Variants in ZNF670 observed in about 807,000 individuals in gnomAD.
ZNF670 encodes the protein zinc finger protein 670.
A neutral mutation model predicts 10.9 loss-of-function variants in ZNF670; 7 were observed. That is an observed-to-expected ratio of 0.64 (90% CI 0.36 to 1.20). The LOEUF (loss-of-function observed/expected upper bound fraction) is 1.20. Among genes scored for constraint, ZNF670 ranks in the 50% most tolerant of loss-of-function variants. The pLI is 0.02. For synonymous variants in ZNF670, 136 were observed against 152.7 expected (o/e 0.89, Z 0.81); for missense variants, 446 against 458.6 (o/e 0.97, Z 0.25).
chr1:247,074,795 C>T (rs753951206), intron 1 of ZNF670, among the ~76,000 whole-genome samples: 6 of 149,888 alleles, frequency 4.0e-5, no homozygotes, highest in Non-Finnish European at 7.4e-5. Flanking sequence ...GTAATGTTCA[C>T]TCACCTGCTG....
intron 1 of ZNF670, among the ~76,000 whole-genome samples, chr1:247,071,904 C>G (rs1378887587): frequency 2.0e-5 from 3 of 150,040 alleles, no homozygotes; most frequent in Non-Finnish European, 3.0e-5. Context: ...GTTGCCCAGG[C>G]TGGAGTGCAG....
At chr1:247,051,796 T>G (rs1366461795) in intron 1 of ZNF670, among the ~76,000 whole-genome samples, 2 of 150,582 alleles carry the variant, frequency 1.3e-5, no homozygotes, top group African/African-American at 2.5e-5. Context: ...TTTTTTTTTT[T>G]TTGTTTTGTT....
chr1:247,073,112 TAA>T (rs1671176905), intron 1 of ZNF670, among the ~76,000 whole-genome samples: 1 of 152,096 alleles, frequency 6.6e-6, no homozygotes, highest in South Asian at 2.1e-4. Context: ...CCCATGACTT[TAA>T]AGTCTTATCA....
At chr1:247,076,595 T>C (rs1311696875) in intron 1 of ZNF670, among the ~76,000 whole-genome samples, 1 of 151,930 alleles carries the variant, frequency 6.6e-6, no homozygotes, top group East Asian at 1.9e-4. Flanking sequence ...GCCTAAACTT[T>C]AACATGCTTG....
intron 1 of ZNF670, among the ~76,000 whole-genome samples, chr1:247,055,881 A>G (rs1670703019): frequency 6.6e-6 from 1 of 152,232 alleles, no homozygotes; most frequent in Non-Finnish European, 1.5e-5. Flanking sequence ...CAGATGAAAT[A>G]AATTTCAAAC....
chr1:247,046,131 A>T (rs1670441224), intron 1 of ZNF670, among the ~76,000 whole-genome samples: 2 of 152,202 alleles, frequency 1.3e-5, no homozygotes, highest in African/African-American at 2.4e-5. Context: ...TTAAAAGAGA[A>T]GCAGAGCATA....
At chr1:247,056,874 G>C (rs56401445) in intron 1 of ZNF670, among the ~76,000 whole-genome samples, 4,442 of 152,248 alleles carry the variant, frequency 0.029, 93 homozygotes, top group African/African-American at 0.045. Context: ...TTAAATATAA[G>C]TTCTCAAACT....
intron 1 of ZNF670, chr1:247,043,377 GA>G (rs1489989280): frequency 3.0e-5 from 16 of 538,992 alleles, no homozygotes; most frequent in Non-Finnish European, 5.2e-5. Context: ...GCATGGTCAA[GA>G]TGTTAAAAAG....
At chr1:247,070,420 G>A (rs1331691779) in intron 1 of ZNF670, among the ~76,000 whole-genome samples, 1 of 152,102 alleles carries the variant, frequency 6.6e-6, no homozygotes, top group Non-Finnish European at 1.5e-5. Context: ...GCAGTGAGCC[G>A]AGATCACGCC....
At chr1:247,038,538 TA>T in intron 3 of ZNF670, 111 bp from the exon 4 acceptor site, 3 of 1,156,094 alleles carry the variant, frequency 2.6e-6, no homozygotes. Flanking sequence ...TTAAAGTAAA[TA>T]AATTAATTAC....
At chr1:247,041,192 G>A (rs12141355) in intron 1 of ZNF670, among the ~76,000 whole-genome samples, 4 of 151,888 alleles carry the variant, frequency 2.6e-5, no homozygotes, top group South Asian at 2.1e-4. Context: ...TTCAGACTTC[G>A]AAGGAAAACA....
intron 1 of ZNF670, among the ~76,000 whole-genome samples, chr1:247,054,925 T>C (rs12119007): frequency 0.15 from 22,447 of 151,978 alleles, 1,850 homozygotes; most frequent in South Asian, 0.24. Flanking sequence ...AAGTAAATCA[T>C]ACCAAGGGAG....
At chr1:247,047,860 C>T (rs570686507) in intron 1 of ZNF670, among the ~76,000 whole-genome samples, 18 of 151,818 alleles carry the variant, frequency 1.2e-4, no homozygotes, top group Non-Finnish European at 2.2e-4. Flanking sequence ...CCCAAGACTA[C>T]AAAAAGCAGC....
intron 1 of ZNF670, among the ~76,000 whole-genome samples, chr1:247,054,275 G>A (rs970430954): frequency 6.6e-6 from 1 of 152,210 alleles, no homozygotes; most frequent in Non-Finnish European, 1.5e-5. Context: ...GCTGAGCTGG[G>A]CTCAGAGGCA....
In ZNF670 at chr1:247,037,832, T is replaced by C; in HGVS notation, c.787A>G (p.Ser263Gly). 2.5e-6 allele frequency: 4 copies of C among 1,613,390 alleles called. No homozygotes were observed. Among genetic ancestry groups the C allele is most frequent in the Non-Finnish European group, 2.5e-6 (3 of 1,179,788 alleles). ...YECKECGKAFSRSTYLGIHER... is the reference protein window; with the variant it reads ...YECKECGKAFGRSTYLGIHER... ...TGTATTCCCAAGTAAGTGGAACGACTGAAGGCTTTGCCACATTCCTTACAT... is the reference window on the plus strand; with the variant it reads ...TGTATTCCCAAGTAAGTGGAACGACCGAAGGCTTTGCCACATTCCTTACAT... Residue 263 changes from serine (S) to glycine (G), a missense_variant, in exon 4 of 4, where the codon AGT becomes GGT. Transcript: ENST00000366503.
intron 1 of ZNF670, among the ~76,000 whole-genome samples, chr1:247,040,397 T>G (rs1670276194): frequency 6.6e-6 from 1 of 152,224 alleles, no homozygotes; most frequent in Non-Finnish European, 1.5e-5. Context: ...GTACGTGTGC[T>G]TAGAAGAAAC....
intron 1 of ZNF670, among the ~76,000 whole-genome samples, chr1:247,070,159 G>GA (rs1285077079): frequency 1.3e-5 from 2 of 151,470 alleles, no homozygotes; most frequent in African/African-American, 4.8e-5. Context: ...AAAAAATTAA[G>GA]AAAAAAAACA....
At chr1:247,046,832 G>T (rs528725698) in intron 1 of ZNF670, among the ~76,000 whole-genome samples, 2 of 152,314 alleles carry the variant, frequency 1.3e-5, no homozygotes, top group East Asian at 3.9e-4. Context: ...GAAGTCACAT[G>T]GGCTGCATCC....
intron 1 of ZNF670, among the ~76,000 whole-genome samples, chr1:247,055,472 C>G (rs1670693566): frequency 6.6e-6 from 1 of 152,186 alleles, no homozygotes; most frequent in Non-Finnish European, 1.5e-5. Flanking sequence ...TTTGGCAACC[C>G]ATTCAGACCC....
Sources: allele counts gnomAD v4.1 joint callset (sites outside exome capture counted in the v4.1 genomes callset), GRCh38; gene constraint gnomAD v4.1.1; transcripts MANE v1.5; gene names NCBI Gene and HGNC (gene_info 2026-07-23, HGNC 2026-07-21).